Variants in WDFY1 observed in about 807,000 individuals in gnomAD.
WDFY1 encodes WD repeat and FYVE domain-containing protein 1.
A neutral mutation model predicts 56.4 loss-of-function variants in WDFY1; 32 were observed. The observed-to-expected ratio is 0.57, with a 90% confidence interval of 0.43 to 0.76. WDFY1 has a LOEUF of 0.76. Ranked by LOEUF, WDFY1 falls within the 30% of genes least tolerant of loss-of-function variation. The pLI, the probability that WDFY1 is intolerant of heterozygous loss-of-function variation, is 0.00. For synonymous variants in WDFY1, 192 were observed against 197.3 expected (o/e 0.97, Z 0.23); for missense variants, 480 against 545.7 (o/e 0.88, Z 1.20).
intron 1 of WDFY1, among the ~76,000 whole-genome samples, chr2:223,928,902 G>GC (rs1004531399): frequency 2.0e-5 from 3 of 152,118 alleles, no homozygotes; most frequent in Admixed American, 6.5e-5. Context: ...GTTATTGCAG[G>GC]GGGGGTGAGA....
rs145535635 is a variant in WDFY1, at chr2:223,894,276, G to A, written c.789C>T (p.Asp263=). The A allele has an allele frequency of 2.7e-5, 43 of 1,614,048 alleles. No individual in the cohort carries two copies. The highest frequency in any genetic ancestry group is 1.6e-4 in the Middle Eastern group (1 of 6,084). Residue 263 remains aspartate, a synonymous_variant, in exon 8 of 12, where the codon GAC becomes GAT. Coordinates refer to ENST00000233055, the MANE Select transcript of WDFY1 (RefSeq NM_020830.5). The stretch of plus-strand genomic sequence containing the variant: ...CCATGTTCCACACTGCAATTCCGCC[G>A]TCCGAGGAACAGGAGACGAGCTGCC... The part of the protein sequence containing the change: ...LTRQLVSCSS[D]GGIAVWNMDV...
At chr2:223,907,349 G>GA (rs1246113268) in intron 3 of WDFY1, among the ~76,000 whole-genome samples, 1 of 152,052 alleles carries the variant, frequency 6.6e-6, no homozygotes, top group African/African-American at 2.4e-5. Context: ...AGTGAGGGGG[G>GA]AAAAAAGCAC....
intron 8 of WDFY1, among the ~76,000 whole-genome samples, chr2:223,893,370 A>C (rs1189819876): frequency 6.6e-6 from 1 of 151,984 alleles, no homozygotes; most frequent in Non-Finnish European, 1.5e-5. Flanking sequence ...AAAAAAAAAA[A>C]AATTGAAAAA....
intron 4 of WDFY1, among the ~76,000 whole-genome samples, chr2:223,901,788 G>C (rs1056839695): frequency 3.9e-5 from 6 of 152,190 alleles, no homozygotes; most frequent in Non-Finnish European, 7.3e-5. Context: ...GGCATTCTAA[G>C]TAAGAGCAAT....
intron 1 of WDFY1, among the ~76,000 whole-genome samples, chr2:223,926,576 G>T (rs1013255414): frequency 1.3e-5 from 2 of 152,056 alleles, no homozygotes; most frequent in African/African-American, 2.4e-5. Context: ...GGGTGACTAG[G>T]TGCATTTTCA....
At chr2:223,905,405 A>C (rs901557210) in intron 4 of WDFY1, among the ~76,000 whole-genome samples, 4 of 152,190 alleles carry the variant, frequency 2.6e-5, no homozygotes, top group African/African-American at 9.7e-5. Context: ...CCTGAATTCT[A>C]GCACTTTGGG....
chr2:223,904,548 TGG>T (rs1693566087), intron 4 of WDFY1, among the ~76,000 whole-genome samples: 1 of 152,078 alleles, frequency 6.6e-6, no homozygotes, highest in Non-Finnish European at 1.5e-5. Context: ...TCACCGTGCC[TGG>T]ATGCTTTTCT....
intron 11 of WDFY1, among the ~76,000 whole-genome samples, chr2:223,879,603 T>C (rs991306311): frequency 9.2e-5 from 14 of 151,438 alleles, no homozygotes; most frequent in African/African-American, 3.4e-4. Context: ...AAGGCCGCAG[T>C]GAGTAGTGAC....
intron 8 of WDFY1, 73 bp downstream of exon 8, chr2:223,894,161 G>C: frequency 6.8e-7 from 1 of 1,467,522 alleles, no homozygotes; most frequent in Non-Finnish European, 9.5e-7. Context: ...CAGCTTGCGG[G>C]GTGAAAAGCC....
intron 6 of WDFY1, among the ~76,000 whole-genome samples, chr2:223,898,111 A>G (rs1024667880): frequency 5.3e-5 from 8 of 152,150 alleles, no homozygotes; most frequent in Admixed American, 2.0e-4. Context: ...GAGTCACTCA[A>G]TACAATCAAT....
In WDFY1 at chr2:223,877,126, C is replaced by T. The variant is rs951881946; in HGVS notation, c.*1545G>A. Reference sequence around the variant, plus strand: ...TCATTCCAGTACATGATGTGCGTGACCCCCTTTCCTTTCCTTACGTGTGTC... The same window carrying T: ...TCATTCCAGTACATGATGTGCGTGATCCCCTTTCCTTTCCTTACGTGTGTC... On this transcript the variant is annotated 3_prime_UTR_variant, in exon 12 of 12. Coordinates refer to ENST00000233055, the MANE Select transcript of WDFY1 (RefSeq NM_020830.5). 17 of 151,738 alleles carry T rather than the reference C, an allele frequency of 1.1e-4. No individual in the cohort carries two copies. The highest frequency in any genetic ancestry group is 4.1e-4 in the African/African-American group (17 of 41,042). The allele number at this position is 151,738 out of a possible 1,614,324, so 9.4% of individuals were successfully genotyped here. A position where few individuals can be genotyped will look rare whatever the true frequency, so the allele number is the denominator to read the frequency against.
intron 8 of WDFY1, among the ~76,000 whole-genome samples, chr2:223,893,504 T>C (rs1036415765): frequency 6.6e-6 from 1 of 151,478 alleles, no homozygotes; most frequent in African/African-American, 2.4e-5. Flanking sequence ...CACTCCAGCC[T>C]GGGTGACAAA....
chr2:223,882,470 G>A (rs1029913655), intron 9 of WDFY1, among the ~76,000 whole-genome samples: 2 of 152,132 alleles, frequency 1.3e-5, no homozygotes, highest in African/African-American at 4.8e-5. Context: ...GGAGCGGGGA[G>A]GATATGCCTT....
intron 8 of WDFY1, among the ~76,000 whole-genome samples, chr2:223,888,948 G>A (rs1693221640): frequency 6.9e-6 from 1 of 145,292 alleles, no homozygotes; most frequent in African/African-American, 2.6e-5. Context: ...CTGTCACCCA[G>A]GCTGGAATGC....
intron 1 of WDFY1, among the ~76,000 whole-genome samples, chr2:223,929,874 T>G (rs1694046397): frequency 6.6e-6 from 1 of 152,102 alleles, no homozygotes; most frequent in South Asian, 2.1e-4. Flanking sequence ...ATGGTGAAAG[T>G]TCATCTTTAA....
chr2:223,942,424 T>C (rs1689321720), intron 1 of WDFY1, among the ~76,000 whole-genome samples: 1 of 151,754 alleles, frequency 6.6e-6, no homozygotes, highest in Admixed American at 6.6e-5. Context: ...TTCGCCGTGT[T>C]AGCCAGGATG....
chr2:223,892,406 C>T (rs963692572), intron 8 of WDFY1, among the ~76,000 whole-genome samples: 2 of 152,156 alleles, frequency 1.3e-5, no homozygotes, highest in Admixed American at 1.3e-4. Flanking sequence ...CTCTATCTGA[C>T]TTGTCTTACA....
intron 8 of WDFY1, among the ~76,000 whole-genome samples, chr2:223,887,900 A>G (rs761019407): frequency 2.0e-5 from 3 of 152,188 alleles, no homozygotes; most frequent in Non-Finnish European, 4.4e-5. Flanking sequence ...GACATAACAG[A>G]TTAAAGGGAC....
chr2:223,944,469 A>T (rs1449048900), intron 1 of WDFY1, among the ~76,000 whole-genome samples: 2 of 151,202 alleles, frequency 1.3e-5, no homozygotes, highest in Non-Finnish European at 3.0e-5. Context: ...TGCGCACTGG[A>T]ACAGGGGTCC....
Sources: allele counts gnomAD v4.1 joint callset (sites outside exome capture counted in the v4.1 genomes callset), GRCh38; gene constraint gnomAD v4.1.1; transcripts MANE v1.5; gene names NCBI Gene and HGNC (gene_info 2026-07-23, HGNC 2026-07-21).